Variants in BMPR2 observed in about 807,000 individuals in gnomAD.
The protein encoded by BMPR2 is bone morphogenetic protein receptor type 2, also known as bone morphogenetic protein receptor type-2.
BMPR2 carries 29 observed loss-of-function variants against 100.8 expected under a neutral mutation model. That is an observed-to-expected ratio of 0.29 (90% confidence interval 0.21 to 0.39). The LOEUF is 0.39. BMPR2 is among the 10% of genes least tolerant of loss of function. BMPR2 has a pLI of 1.00. For synonymous variants in BMPR2, 382 were observed against 442.3 expected (o/e 0.86, Z 1.71); for missense variants, 1,011 against 1,274.5 (o/e 0.79, Z 3.15).
chr2:202,408,131 G>A (rs1233281372), intron 1 of BMPR2, among the ~76,000 whole-genome samples: 2 of 152,028 alleles, frequency 1.3e-5, no homozygotes, highest in South Asian at 2.1e-4. Flanking sequence ...CCGTGCCTGG[G>A]CTTTAACTCA....
At chr2:202,399,771 C>T (rs1046650599) in intron 1 of BMPR2, among the ~76,000 whole-genome samples, 1 of 152,120 alleles carries the variant, frequency 6.6e-6, no homozygotes, top group African/African-American at 2.4e-5. Flanking sequence ...AAGCCTACTT[C>T]TCTAATATAC....
At chr2:202,465,022 A>G in intron 2 of BMPR2, 43 bp downstream of exon 2, 1 of 1,603,202 alleles carries the variant, frequency 6.2e-7, no homozygotes, top group Non-Finnish European at 8.5e-7. Context: ...TGTTTTATAC[A>G]ATTGATATTT....
At chr2:202,460,855 C>G (rs537120428) in intron 1 of BMPR2, among the ~76,000 whole-genome samples, 185 of 145,660 alleles carry the variant, frequency 1.3e-3, no homozygotes, top group African/African-American at 4.5e-3. Flanking sequence ...GGGTATCACT[C>G]TGTTACCCAG....
chr2:202,384,943 A>G (rs1690396614), intron 1 of BMPR2, among the ~76,000 whole-genome samples: 1 of 152,058 alleles, frequency 6.6e-6, no homozygotes, highest in East Asian at 1.9e-4. Flanking sequence ...TTCTCCTTCA[A>G]GACAGTAGTT....
intron 9 of BMPR2, among the ~76,000 whole-genome samples, chr2:202,534,945 G>A (rs1299169311): frequency 7.8e-6 from 1 of 128,582 alleles, no homozygotes; most frequent in Non-Finnish European, 1.7e-5. Flanking sequence ...CTGGCCGGGC[G>A]GGGGGCTGAC....
intron 3 of BMPR2, among the ~76,000 whole-genome samples, chr2:202,497,732 T>C (rs1693071845): frequency 6.6e-6 from 1 of 152,126 alleles, no homozygotes; most frequent in Non-Finnish European, 1.5e-5. Flanking sequence ...CAGACAAACT[T>C]CCTCTCACCT....
At chr2:202,507,072 T>TAAAAAAAAA (rs74622497) in intron 3 of BMPR2, among the ~76,000 whole-genome samples, 13 of 121,592 alleles carry the variant, frequency 1.1e-4, no homozygotes, top group African/African-American at 4.0e-4. Context: ...GACTCTGCCT[T>TAAAAAAAAA]AAAAAAAAAA....
chr2:202,389,526 CAAAAA>C (rs781745252), intron 1 of BMPR2, among the ~76,000 whole-genome samples: 1 of 56,612 alleles, frequency 1.8e-5, no homozygotes. Flanking sequence ...GATTCCATCT[CAAAAA>C]AAAAAAAAAA....
chr2:202,557,464 AACACACACACACACACACACACAC>A (rs138065331), intron 12 of BMPR2, among the ~76,000 whole-genome samples: 77 of 125,446 alleles, frequency 6.1e-4, no homozygotes, highest in African/African-American at 1.7e-3. Flanking sequence ...CTCTGTCTCA[AACACACACACACACACACACACAC>A]ACACACACAC....
intron 1 of BMPR2, among the ~76,000 whole-genome samples, chr2:202,430,748 T>C (rs1227448945): frequency 3.3e-5 from 5 of 150,442 alleles, no homozygotes; most frequent in Non-Finnish European, 4.4e-5. Context: ...TCACCTGAGG[T>C]CAGGAGTTCA....
chr2:202,449,755 T>C (rs1691939765), intron 1 of BMPR2, among the ~76,000 whole-genome samples: 1 of 152,206 alleles, frequency 6.6e-6, no homozygotes, highest in South Asian at 2.1e-4. Context: ...CTTTGATTCA[T>C]GTCTTTTCCT....
intron 9 of BMPR2, among the ~76,000 whole-genome samples, chr2:202,537,693 C>T (rs756757167): frequency 6.7e-6 from 1 of 149,458 alleles, no homozygotes; most frequent in Non-Finnish European, 1.5e-5. Flanking sequence ...TATTCTACCA[C>T]GATAAAAAAA....
rs768352894 is a variant in BMPR2, at chr2:202,552,869, A to G, written c.1567A>G (p.Thr523Ala). 3.7e-6 allele frequency: 6 copies of G among 1,614,108 alleles called. No homozygotes were observed. The highest frequency in any genetic ancestry group is 1.3e-5 in the African/African-American group (1 of 74,942). The change falls in exon 11 of 13, where the codon ACT becomes GCT. Residue 523 changes from threonine (T) to alanine (A), a missense_variant. Around this residue, in one of 6 missense-constraint regions of BMPR2, gnomAD observed 508 missense variants for 552.0 expected, o/e 0.92. Coordinates refer to ENST00000374580, the MANE Select transcript of BMPR2 (RefSeq NM_001204.7). ...SVSPTVNPMS[T>A]AMQNERNLSH... ...GAGCCCAACAGTCAATCCAATGTCT[A>G]CTGCTATGCAGAATGAACGGTAAGA...
At chr2:202,484,078 C>A (rs949613219) in intron 3 of BMPR2, among the ~76,000 whole-genome samples, 11 of 152,152 alleles carry the variant, frequency 7.2e-5, no homozygotes, top group African/African-American at 2.4e-4. Context: ...GAGTATCTTA[C>A]TCTATATAAC....
chr2:202,558,136 T>C (rs1574508436), intron 12 of BMPR2, among the ~76,000 whole-genome samples: 1 of 151,872 alleles, frequency 6.6e-6, no homozygotes. Context: ...CTGGGCAACA[T>C]AGCAAAACTC....
Position 202,541,753 on chromosome 2 carries a change from A to C in BMPR2, c.1277-558A>C, listed in dbSNP as rs186870712. 2.6e-5 allele frequency among the ~76,000 whole-genome samples: 4 copies of C among 152,292 alleles called. No homozygotes were observed. The East Asian group carries it at 7.7e-4, about 29-fold the overall frequency. The stretch of plus-strand genomic sequence containing the variant: ...AGAAACCATTTAAAAATACCTATCC[A>C]TCATTGAAACTACCATTTGACTTAT... On this transcript the variant is annotated intron_variant, in intron 9 of 12. Transcript: ENST00000374580.
rs117992059 is a variant in BMPR2 at position 202,516,730 on chromosome 2, A to G, written c.621+1751A>G. On this transcript the variant is annotated intron_variant, in intron 5 of 12. Coordinates refer to ENST00000374580, the MANE Select transcript of BMPR2 (RefSeq NM_001204.7). ...TAAGAAATGTACAGTAAGATGTCCA[A>G]TTTACAAGGCTGAAAGAAATACTAG... Among the ~76,000 whole-genome samples, 216 of 152,306 alleles carry G rather than the reference A, an allele frequency of 1.4e-3. 4 individuals carry two copies. In the East Asian group the frequency reaches 0.04, roughly 28 times the overall value.
At chr2:202,506,719 T>C (rs1234548998) in intron 3 of BMPR2, among the ~76,000 whole-genome samples, 2 of 151,796 alleles carry the variant, frequency 1.3e-5, no homozygotes, top group Non-Finnish European at 1.5e-5. Flanking sequence ...ACCAACATGG[T>C]GAAACCCTGT....
chr2:202,419,463 TCTCTTGCCTTAGC>T (rs1229635815), intron 1 of BMPR2, among the ~76,000 whole-genome samples: 1 of 152,168 alleles, frequency 6.6e-6, no homozygotes, highest in Non-Finnish European at 1.5e-5. Flanking sequence ...TTTAAGCGAT[TCTCTTGCCTTAGC>T]CTCCTGAGTA....
Sources: gnomAD v4.1 joint callset for allele counts (sites outside exome capture counted in the v4.1 genomes callset) on GRCh38, gnomAD v4.1.1 for gene constraint, gnomAD v4.1.1 regional missense constraint, MANE v1.5 for transcripts, NCBI Gene and HGNC (gene_info 2026-07-23, HGNC 2026-07-21) for gene names.